CNST: variants seen among roughly 807,000 people sequenced by gnomAD.
CNST encodes consortin.
Under a neutral mutation model 72.4 loss-of-function variants are expected in CNST, and 39 were observed. The observed-to-expected ratio is 0.54, with a 90% CI of 0.42 to 0.70. CNST has a LOEUF of 0.70. Among genes scored for constraint, CNST ranks in the 30% least tolerant of loss-of-function variants. The pLI is 0.00. For synonymous variants in CNST, 332 were observed against 320.1 expected, an observed-to-expected ratio of 1.04 and a Z score of -0.40; for missense variants, 871 against 868.5, an observed-to-expected ratio of 1.00 and a Z score of -0.04.
intron 2 of CNST, among the ~76,000 whole-genome samples, chr1:246,610,137 C>G (rs531720446): frequency 6.6e-6 from 1 of 151,918 alleles, no homozygotes; most frequent in South Asian, 2.1e-4. Context: ...AAAAAATTAG[C>G]CAGGCATGGT....
At chr1:246,608,719 G>A (rs568120295) in intron 2 of CNST, among the ~76,000 whole-genome samples, 5 of 152,296 alleles carry the variant, frequency 3.3e-5, no homozygotes, top group Admixed American at 6.5e-5. Flanking sequence ...GCCTAAGGGA[G>A]CTCTTGTTCC....
chr1:246,591,947 G>A lies in CNST; in HGVS notation c.379+6G>A. 1 of 1,589,320 alleles carries A rather than the reference G, an allele frequency of 6.3e-7. No individual in the cohort carries two copies. The highest frequency in any genetic ancestry group is 8.6e-7 in the Non-Finnish European group (1 of 1,168,200). ...TGCTAAGAAGATACCACCAGGTATT[G>A]TTTAAAATAGTATTTATCCTCTTCT... is the stretch of plus-strand genomic sequence containing the variant. On this transcript the variant is annotated splice_donor_region_variant and intron_variant, in intron 2 of 10. Transcript: ENST00000366513.
intron 2 of CNST, among the ~76,000 whole-genome samples, chr1:246,593,447 TCTC>T (rs1661679566): frequency 6.6e-6 from 1 of 151,980 alleles, no homozygotes; most frequent in East Asian, 1.9e-4. Context: ...CTCAGATGAT[TCTC>T]CTGCCTCAGC....
At chr1:246,665,587 C>A (rs1667354635) in intron 10 of CNST, 113 bp from the exon 11 acceptor site, 16 of 825,182 alleles carry the variant, frequency 1.9e-5, no homozygotes, top group Admixed American at 4.7e-5. Flanking sequence ...TACTTCCTAT[C>A]CGTAGAGGAC....
rs770073562 is a variant in CNST, at chr1:246,647,584, T to G, written c.1383T>G (p.Arg461=). ...CACAGGCTCAGAGGAAAGAACTCCG[T>G]TTGCCACTTCGGGATGCTTCTGAGG... ...KYSQAQRKEL[R]LPLRDASEAL... Residue 461 remains arginine, a synonymous_variant, in exon 9 of 11, where the codon CGT becomes CGG. Transcript: ENST00000366513. 6.2e-7 allele frequency: 1 copy of G among 1,614,194 alleles called. No individual in the cohort carries two copies. The highest frequency in any genetic ancestry group is 8.5e-7 in the Non-Finnish European group (1 of 1,180,044).
chr1:246,632,349 G>A, intron 4 of CNST: 1 of 279,156 alleles, frequency 3.6e-6, no homozygotes, highest in Non-Finnish European at 7.1e-6. Context: ...CCCCCGTGAT[G>A]GTGAATCTCG....
chr1:246,606,920 G>C (rs1662882923), intron 2 of CNST: 1 of 150,284 alleles, frequency 6.7e-6, no homozygotes, highest in Admixed American at 6.7e-5. Context: ...TCGTCAGCTG[G>C]TGTTCCTAGG....
intron 1 of CNST, among the ~76,000 whole-genome samples, chr1:246,585,806 G>A (rs141626744): frequency 1.6e-4 from 24 of 151,982 alleles, no homozygotes; most frequent in Admixed American, 8.5e-4. Flanking sequence ...TACGCTGGGC[G>A]TGGTGGCATA....
chr1:246,609,141 G>A (rs1459451457), intron 2 of CNST, among the ~76,000 whole-genome samples: 4 of 152,142 alleles, frequency 2.6e-5, no homozygotes, highest in Non-Finnish European at 5.9e-5. Flanking sequence ...CATTCTTTTG[G>A]CCCGAGGTCA....
At chr1:246,580,807 C>G (rs575005962) in intron 1 of CNST, among the ~76,000 whole-genome samples, 1 of 152,016 alleles carries the variant, frequency 6.6e-6, no homozygotes. Context: ...GTATCATGAT[C>G]TTAGCTCACT....
At chr1:246,626,753 G>A (rs915297764) in intron 3 of CNST, among the ~76,000 whole-genome samples, 3 of 151,976 alleles carry the variant, frequency 2.0e-5, no homozygotes, top group African/African-American at 7.3e-5. Flanking sequence ...CACTGTGCCC[G>A]GCCTGTCCTA....
chr1:246,638,538 A>G (rs987350907), intron 6 of CNST, among the ~76,000 whole-genome samples: 1 of 152,228 alleles, frequency 6.6e-6, no homozygotes, highest in Non-Finnish European at 1.5e-5. Flanking sequence ...GGAACACATA[A>G]CGAGAATCTG....
chr1:246,651,413 A>G (rs1237184280), intron 9 of CNST, among the ~76,000 whole-genome samples: 1 of 152,040 alleles, frequency 6.6e-6, no homozygotes, highest in Non-Finnish European at 1.5e-5. Flanking sequence ...TTTCTTTGCC[A>G]GCTTTCCCCT....
chr1:246,624,039 G>A (rs1163144447), intron 3 of CNST, among the ~76,000 whole-genome samples: 1 of 152,170 alleles, frequency 6.6e-6, no homozygotes, highest in Non-Finnish European at 1.5e-5. Flanking sequence ...CTCCAGCCTG[G>A]GTAACAGAGG....
At chr1:246,605,580 G>C (rs1662680069) in intron 2 of CNST, among the ~76,000 whole-genome samples, 1 of 152,170 alleles carries the variant, frequency 6.6e-6, no homozygotes, top group Non-Finnish European at 1.5e-5. Flanking sequence ...CCTGTAAACA[G>C]GAAGTGTCCC....
intron 10 of CNST, among the ~76,000 whole-genome samples, chr1:246,660,972 T>C (rs1290208026): frequency 6.6e-6 from 1 of 151,686 alleles, no homozygotes; most frequent in Non-Finnish European, 1.5e-5. Context: ...TCTTTTGTTG[T>C]TTTTTTGTTT....
At chr1:246,594,719 A>G (rs1406237299) in intron 2 of CNST, among the ~76,000 whole-genome samples, 1 of 152,208 alleles carries the variant, frequency 6.6e-6, no homozygotes, top group Admixed American at 6.5e-5. Flanking sequence ...CAGTGAGCCA[A>G]GATCCTGCCA....
chr1:246,628,092 C>T (rs1180563701), intron 3 of CNST, among the ~76,000 whole-genome samples: 1 of 152,030 alleles, frequency 6.6e-6, no homozygotes, highest in African/African-American at 2.4e-5. Context: ...AAGATGTGGG[C>T]TGGGAGGCTA....
At chr1:246,603,105 T>G (rs1218312729) in intron 2 of CNST, among the ~76,000 whole-genome samples, 1 of 152,158 alleles carries the variant, frequency 6.6e-6, no homozygotes, top group East Asian at 1.9e-4. Context: ...ACTAAGAAAT[T>G]AAGAGATTTA....
Sources: allele counts gnomAD v4.1 joint callset (sites outside exome capture counted in the v4.1 genomes callset), GRCh38; gene constraint gnomAD v4.1.1; transcripts MANE v1.5; gene names NCBI Gene and HGNC (gene_info 2026-07-23, HGNC 2026-07-21).